CSMD3: variants seen among roughly 807,000 people sequenced by gnomAD.
The protein encoded by CSMD3 is CUB and Sushi multiple domains 3.
In CSMD3, 177 loss-of-function variants were observed where a neutral mutation model predicts 435.2. That is an observed-to-expected ratio of 0.41 (90% confidence interval 0.36 to 0.46). The LOEUF is 0.46. Among genes scored for constraint, CSMD3 ranks in the 20% least tolerant of loss-of-function variants. CSMD3 has a pLI of 0.34. For missense variants in CSMD3, 4,265 were observed against 4,504.6 expected, an observed-to-expected ratio of 0.95 and a Z score of 1.52; for synonymous variants, 1,656 against 1,520.5, an observed-to-expected ratio of 1.09 and a Z score of -2.07.
At chr8:113,314,463 T>C in intron 2 of CSMD3, 108 bp downstream of exon 2, 1 of 727,024 alleles carries the variant, frequency 1.4e-6, no homozygotes, top group Admixed American at 2.2e-5. Flanking sequence ...AGATGGTGAA[T>C]ACAACTTTAT....
At chr8:113,035,627 T>C (rs1311275868) in intron 5 of CSMD3, among the ~76,000 whole-genome samples, 1 of 152,038 alleles carries the variant, frequency 6.6e-6, no homozygotes, top group African/African-American at 2.4e-5. Flanking sequence ...GAATGAAATT[T>C]ACTGTAAATA....
At chr8:112,621,267 A>T (rs1438134674) in intron 22 of CSMD3, among the ~76,000 whole-genome samples, 1 of 152,090 alleles carries the variant, frequency 6.6e-6, no homozygotes, top group Admixed American at 6.6e-5. Flanking sequence ...ATATAAAAAT[A>T]AAAATATATA....
intron 24 of CSMD3, among the ~76,000 whole-genome samples, chr8:112,572,809 AAT>A (rs1332345548): frequency 2.0e-5 from 3 of 152,056 alleles, no homozygotes; most frequent in Non-Finnish European, 4.4e-5. Flanking sequence ...AAAATCAAGA[AAT>A]ATATTATTTG....
At chr8:112,424,005 C>A (rs986148460) in intron 32 of CSMD3, among the ~76,000 whole-genome samples, 1 of 152,092 alleles carries the variant, frequency 6.6e-6, no homozygotes, top group African/African-American at 2.4e-5. Context: ...CATACTTATA[C>A]ACGCAAATTT....
chr8:112,804,406 G>GTA (rs2079031060), intron 12 of CSMD3, among the ~76,000 whole-genome samples: 1 of 152,106 alleles, frequency 6.6e-6, no homozygotes, highest in African/African-American at 2.4e-5. Context: ...TGGCCAGCCT[G>GTA]TAGAGTGAGC....
chr8:112,276,169 A>C (rs1818020353), intron 59 of CSMD3, among the ~76,000 whole-genome samples: 1 of 152,320 alleles, frequency 6.6e-6, no homozygotes, highest in South Asian at 2.1e-4. Context: ...AGGCAGTCAA[A>C]CCTTAAAGCT....
intron 1 of CSMD3, among the ~76,000 whole-genome samples, chr8:113,315,420 C>CA (rs1266515941): frequency 6.6e-6 from 1 of 151,854 alleles, no homozygotes; most frequent in African/African-American, 2.4e-5. Flanking sequence ...AAGGTCAGGA[C>CA]AAAAATACGT....
At chr8:112,945,148 T>C (rs2083563773) in intron 9 of CSMD3, among the ~76,000 whole-genome samples, 1 of 151,656 alleles carries the variant, frequency 6.6e-6, no homozygotes, top group Non-Finnish European at 1.5e-5. Context: ...GTTCAAGCCT[T>C]GAAAATTGAG....
At chr8:112,631,410 T>C (rs897259247) in intron 22 of CSMD3, among the ~76,000 whole-genome samples, 1 of 152,050 alleles carries the variant, frequency 6.6e-6, no homozygotes, top group Non-Finnish European at 1.5e-5. Context: ...CCCTGGTCTA[T>C]TGTATAAAAA....
chr8:112,368,865 A>G (rs55862700), intron 38 of CSMD3, among the ~76,000 whole-genome samples: 59,654 of 151,792 alleles, frequency 0.39, 13,150 homozygotes, highest in Middle Eastern at 0.53. Flanking sequence ...TCTGCCTCAC[A>G]GTAATTTAAA....
At chr8:112,643,461 C>T (rs2074892481) in intron 20 of CSMD3, 1 of 170,192 alleles carries the variant, frequency 5.9e-6, no homozygotes. Flanking sequence ...ACTTAGTTGG[C>T]TCTTAAAAGA....
At chr8:112,833,240 G>A (rs919567593) in intron 11 of CSMD3, among the ~76,000 whole-genome samples, 18 of 151,856 alleles carry the variant, frequency 1.2e-4, no homozygotes, top group Non-Finnish European at 2.2e-4. Context: ...TAACTGATTT[G>A]GTGAGAACTG....
intron 10 of CSMD3, among the ~76,000 whole-genome samples, chr8:112,885,773 A>G (rs377112875): frequency 9.9e-5 from 15 of 151,834 alleles, no homozygotes; most frequent in South Asian, 4.1e-4. Context: ...GGCATTCTCA[A>G]TGTTCCTTTA....
intron 32 of CSMD3, 72 bp from the exon 33 acceptor site, chr8:112,409,104 TAGAA>T: frequency 6.2e-7 from 1 of 1,605,528 alleles, no homozygotes; most frequent in Non-Finnish European, 8.5e-7. Context: ...AACAAAAAAA[TAGAA>T]AGAGGAGGAG....
intron 4 of CSMD3, among the ~76,000 whole-genome samples, chr8:113,117,720 C>A (rs181010172): frequency 2.1e-4 from 32 of 152,326 alleles, no homozygotes; most frequent in Non-Finnish European, 4.0e-4. Flanking sequence ...CAGAGCTGCC[C>A]AAGGCCATGG....
intron 31 of CSMD3, among the ~76,000 whole-genome samples, chr8:112,485,996 T>G (rs968892855): frequency 8.0e-5 from 12 of 150,528 alleles, no homozygotes; most frequent in Non-Finnish European, 5.9e-5. Flanking sequence ...GAAACAAAGG[T>G]ATTGAAAAGA....
chr8:113,155,277 C>T (rs2131808836), intron 4 of CSMD3, among the ~76,000 whole-genome samples: 1 of 152,076 alleles, frequency 6.6e-6, no homozygotes, highest in African/African-American at 2.4e-5. Context: ...TTCTCCAGTT[C>T]CTTAATTGTA....
chr8:113,024,473 G>A (rs961428910), intron 5 of CSMD3, among the ~76,000 whole-genome samples: 1 of 151,986 alleles, frequency 6.6e-6, no homozygotes, highest in Non-Finnish European at 1.5e-5. Flanking sequence ...TATTTACCTG[G>A]TAGTAGTATT....
At chr8:113,201,474 G>C (rs545272825) in intron 3 of CSMD3, among the ~76,000 whole-genome samples, 1 of 151,904 alleles carries the variant, frequency 6.6e-6, no homozygotes, top group African/African-American at 2.4e-5. Flanking sequence ...TTGAGTTAAA[G>C]AATAAATTGA....
Sources: allele counts gnomAD v4.1 joint callset (sites outside exome capture counted in the v4.1 genomes callset), GRCh38; gene constraint gnomAD v4.1.1; transcripts MANE v1.5; gene names NCBI Gene and HGNC (gene_info 2026-07-23, HGNC 2026-07-21).